OPRK1: variants seen among roughly 807,000 people sequenced by gnomAD.
OPRK1 encodes the protein kappa-type opioid receptor.
A neutral mutation model predicts 24.5 loss-of-function variants in OPRK1; 15 were observed. The ratio of observed to expected loss-of-function variants is 0.61; its 90% confidence interval spans 0.41 to 0.94. The LOEUF is 0.94. OPRK1 is among the 40% of genes least tolerant of loss of function. The pLI is 0.00. For synonymous variants in OPRK1, 205 were observed against 198.0 expected (o/e 1.04, Z -0.30); for missense variants, 479 against 507.3 (o/e 0.94, Z 0.54).
intron 2 of OPRK1, among the ~76,000 whole-genome samples, chr8:53,248,665 T>G (rs556277964): frequency 4.9e-4 from 75 of 152,364 alleles, no homozygotes; most frequent in African/African-American, 1.8e-3. Context: ...GAAATAATAC[T>G]AAATACTCCT....
At position 53,229,125 on chromosome 8, in the gene OPRK1, T is replaced by G. The variant is rs933214537; in HGVS notation, c.*172A>C. The G allele has an allele frequency of 1.4e-6, 1 of 723,658 alleles. No individual in the cohort carries two copies. Among genetic ancestry groups the G allele is most frequent in the Non-Finnish European group, 2.2e-6 (1 of 457,360 alleles). The allele number at this position is 723,658 out of a possible 1,614,324, so 44.8% of individuals were successfully genotyped here. On this transcript the variant is annotated 3_prime_UTR_variant, in exon 4 of 4. Transcript: ENST00000265572. ...GCGTGGACCTTTTGTCCTTGATGTT[T>G]CCACTGATCACGAACGTGGTCTGCA...
At chr8:53,245,852 G>A (rs914908631) in intron 2 of OPRK1, among the ~76,000 whole-genome samples, 1 of 152,124 alleles carries the variant, frequency 6.6e-6, no homozygotes, top group African/African-American at 2.4e-5. Flanking sequence ...ATCTGAAAAT[G>A]GGGCCTGATC....
chr8:53,234,182 C>CAAAAAAATAAAAAA (rs1806927200), intron 3 of OPRK1, among the ~76,000 whole-genome samples: 1 of 65,374 alleles, frequency 1.5e-5, no homozygotes, highest in African/African-American at 8.0e-5. Context: ...GACTCTCTCT[C>CAAAAAAATAAAAAA]AAAAAAAAAA....
At chr8:53,230,545 T>C (rs1339403451) in intron 3 of OPRK1, among the ~76,000 whole-genome samples, 3 of 152,222 alleles carry the variant, frequency 2.0e-5, no homozygotes, top group East Asian at 1.9e-4. Flanking sequence ...AACATTATTA[T>C]GTAGCTCAGA....
At chr8:53,242,836 T>G in intron 2 of OPRK1, 1 of 1,266,688 alleles carries the variant, frequency 7.9e-7, no homozygotes, top group Non-Finnish European at 1.0e-6. Flanking sequence ...AAGGCTTCCC[T>G]GCCCGGCTTC....
intron 2 of OPRK1, among the ~76,000 whole-genome samples, chr8:53,240,420 C>T (rs1472089543): frequency 6.6e-6 from 1 of 152,102 alleles, no homozygotes; most frequent in African/African-American, 2.4e-5. Flanking sequence ...GATCAAATGC[C>T]ATGGACCCAC....
intron 2 of OPRK1, among the ~76,000 whole-genome samples, chr8:53,243,830 A>G (rs945357206): frequency 1.3e-5 from 2 of 152,240 alleles, no homozygotes; most frequent in South Asian, 2.1e-4. Context: ...AGAACATACT[A>G]TATTAACCAA....
At chr8:53,243,152 A>G (rs1807154215) in intron 2 of OPRK1, among the ~76,000 whole-genome samples, 1 of 152,240 alleles carries the variant, frequency 6.6e-6, no homozygotes, top group South Asian at 2.1e-4. Context: ...CTGAAACCAC[A>G]TAAGCTAAAC....
rs1384023130 is a variant in OPRK1 at position 53,229,212 on chromosome 8, A to G, written c.*85T>C. 3 of 1,419,788 alleles carry G rather than the reference A, an allele frequency of 2.1e-6. No individual in the cohort carries two copies. Among genetic ancestry groups the G allele is most frequent in the Non-Finnish European group, 2.9e-6 (3 of 1,046,738 alleles). The allele number at this position is 1,419,788 out of a possible 1,614,324, so 87.9% of individuals were successfully genotyped here. A position where few individuals can be genotyped will look rare whatever the true frequency, so the allele number is the denominator to read the frequency against. ...ATTTTAAATTCTATCTTTTCATGTC[A>G]GACTGCAGTAGTGATCTGAGTTAAA... is the stretch of plus-strand genomic sequence containing the variant. On this transcript the variant is annotated 3_prime_UTR_variant, in exon 4 of 4. Transcript: ENST00000265572.
intron 2 of OPRK1, among the ~76,000 whole-genome samples, chr8:53,246,043 T>A (rs745432093): frequency 5.3e-5 from 8 of 152,334 alleles, no homozygotes; most frequent in Non-Finnish European, 1.2e-4. Flanking sequence ...CTTCTTTGGC[T>A]GATCCTTGAC....
intron 2 of OPRK1, 140 bp downstream of exon 2, chr8:53,250,641 C>T (rs1310436398): frequency 1.1e-6 from 1 of 905,136 alleles, no homozygotes; most frequent in African/African-American, 1.8e-5. Context: ...AGGAAGCCAC[C>T]CTGTAGCATT....
rs201836328 is a variant in OPRK1 at position 53,227,148 on chromosome 8, C to G, written c.*2149G>C. On this transcript the variant is annotated 3_prime_UTR_variant, in exon 4 of 4. Transcript: ENST00000265572. ...CGGTGCACGCCTGTAATCCCAGCTA[C>G]TTAGGAGGCAGAGGCAGGAGAATCG... is the stretch of plus-strand genomic sequence containing the variant. 1 of 151,898 alleles carries G rather than the reference C, an allele frequency of 6.6e-6. No homozygotes were observed. Among genetic ancestry groups the G allele is most frequent in the Admixed American group, 6.6e-5 (1 of 15,178 alleles). The allele number at this position is 151,898 out of a possible 1,614,324, so 9.4% of individuals were successfully genotyped here.
At chr8:53,237,766 C>T (rs975715072) in intron 2 of OPRK1, among the ~76,000 whole-genome samples, 1 of 152,204 alleles carries the variant, frequency 6.6e-6, no homozygotes, top group Admixed American at 6.5e-5. Flanking sequence ...CCGTATCTTA[C>T]TTGATTCTCG....
intron 2 of OPRK1, among the ~76,000 whole-genome samples, chr8:53,247,967 G>A (rs1339317198): frequency 7.4e-6 from 1 of 135,550 alleles, no homozygotes; most frequent in Non-Finnish European, 1.5e-5. Context: ...CTCCAGCCTG[G>A]GCAATAGAGC....
rs1009686505 is a variant in OPRK1, at chr8:53,230,845, G to A, written c.611-1016C>T. ...GGTAGTCATGAGCAACACCATGAGC[G>A]TGATTACAGTAATGAAAATATTTTT... On this transcript the variant is annotated intron_variant, in intron 3 of 3. Transcript: ENST00000265572. Among the ~76,000 whole-genome samples the A allele has an allele frequency of 3.9e-5, 6 of 152,256 alleles. No homozygotes were observed. The South Asian group carries it at 6.2e-4, about 16-fold the overall frequency.
intron 3 of OPRK1, among the ~76,000 whole-genome samples, chr8:53,231,085 G>T (rs1461668418): frequency 1.3e-5 from 2 of 152,064 alleles, no homozygotes; most frequent in African/African-American, 4.8e-5. Context: ...ATGTATCAAT[G>T]AAATACCAGA....
At chr8:53,232,231 A>G (rs1000958094) in intron 3 of OPRK1, among the ~76,000 whole-genome samples, 1 of 152,126 alleles carries the variant, frequency 6.6e-6, no homozygotes, top group Non-Finnish European at 1.5e-5. Flanking sequence ...TCTAGAGGTG[A>G]CCAGAGGCTG....
chr8:53,249,005 AT>A (rs201630915), intron 2 of OPRK1, among the ~76,000 whole-genome samples: 12 of 151,850 alleles, frequency 7.9e-5, no homozygotes, highest in South Asian at 2.1e-4. Context: ...AATCTACAGG[AT>A]TTTTTTTTCC....
At chr8:53,243,003 T>A in intron 2 of OPRK1, 1 of 1,225,764 alleles carries the variant, frequency 8.2e-7, no homozygotes, top group South Asian at 1.4e-5. Context: ...GCCTTCCTTA[T>A]CCAAGACATA....
Sources: gnomAD v4.1 joint callset for allele counts (sites outside exome capture counted in the v4.1 genomes callset) on GRCh38, gnomAD v4.1.1 for gene constraint, MANE v1.5 for transcripts, NCBI Gene and HGNC (gene_info 2026-07-23, HGNC 2026-07-21) for gene names.